Variants in CASP6 observed in about 807,000 individuals in gnomAD.
The protein encoded by CASP6 is caspase-6.
Under a neutral mutation model 31.8 loss-of-function variants are expected in CASP6, and 20 were observed. That is an observed-to-expected ratio of 0.63 (90% CI 0.44 to 0.91). CASP6 has a LOEUF of 0.91. Ranked by LOEUF, CASP6 falls within the 40% of genes least tolerant of loss-of-function variation. CASP6 has a pLI of 0.00. For missense variants in CASP6, 328 were observed against 361.1 expected (o/e 0.91, Z 0.74); for synonymous variants, 130 against 127.8 (o/e 1.02, Z -0.12).
At chr4:109,679,777 G>A in the CASP6 span, among the ~76,000 whole-genome samples, 1 of 150,810 alleles carries the variant, frequency 6.6e-6, no homozygotes, top group East Asian at 1.9e-4. Flanking sequence ...CTCCCGCTTT[G>A]AGGTATAATT....
intron 5 of CASP6, among the ~76,000 whole-genome samples, chr4:109,691,244 A>T (rs1303020410): frequency 6.6e-6 from 1 of 151,686 alleles, no homozygotes; most frequent in Non-Finnish European, 1.5e-5. Flanking sequence ...CCAAGTATAC[A>T]TCAAATTATG....
At chr4:109,693,225 C>T (rs979388870) in intron 5 of CASP6, among the ~76,000 whole-genome samples, 2 of 152,216 alleles carry the variant, frequency 1.3e-5, no homozygotes, top group African/African-American at 4.8e-5. Context: ...GCTTCCTGTA[C>T]AGCCTGCAGA....
At chr4:109,676,601 G>A in the CASP6 span, among the ~76,000 whole-genome samples, 6 of 152,140 alleles carry the variant, frequency 3.9e-5, no homozygotes, top group Admixed American at 6.5e-5. Flanking sequence ...AAATTCCAAA[G>A]CCACTTCTAC....
upstream of CASP6, among the ~76,000 whole-genome samples, chr4:109,708,351 G>T (rs1248201798): frequency 6.6e-6 from 1 of 152,228 alleles, no homozygotes; most frequent in East Asian, 1.9e-4. Context: ...GAAGGACTCA[G>T]AATACTGCCT....
chr4:109,681,988 T>C, the CASP6 span, among the ~76,000 whole-genome samples: 1 of 152,254 alleles, frequency 6.6e-6, no homozygotes, highest in South Asian at 2.1e-4. Context: ...TCCCGATCCT[T>C]GTCCTTCCCG....
In CASP6 at chr4:109,690,977, G is replaced by A. The variant is rs1287450402; in HGVS notation, c.516C>T (p.Val172=). ...ACRGNQHDVP[V]IPLDVVDNQT... is the part of the protein sequence containing the mutation. ...GATTATCTACTACATCCAAAGGAAT[G>A]ACTGGCACATCGTGCTGGTTTCCCC... The change falls in exon 6 of 7, where the codon GTC becomes GTT. Residue 172 remains valine (V), a synonymous_variant. Transcript: ENST00000265164. 7 of 1,613,064 alleles carry A rather than the reference G, an allele frequency of 4.3e-6. No individual in the cohort carries two copies. Among genetic ancestry groups the A allele is most frequent in the Non-Finnish European group, 5.9e-6 (7 of 1,179,646 alleles).
chr4:109,664,420 T>C, the CASP6 span: 1 of 832,242 alleles, frequency 1.2e-6, no homozygotes, highest in Non-Finnish European at 1.8e-6. Context: ...ATCCAACTAT[T>C]ACTTTTTTTT....
the CASP6 span, among the ~76,000 whole-genome samples, chr4:109,677,655 A>G: frequency 6.6e-6 from 1 of 152,122 alleles, no homozygotes; most frequent in East Asian, 1.9e-4. Flanking sequence ...ATAAAGGACA[A>G]GTTCAGCCCC....
chr4:109,698,262 A>C, intron 2 of CASP6, 38 bp downstream of exon 2: 1 of 1,586,850 alleles, frequency 6.3e-7, no homozygotes, highest in Non-Finnish European at 8.6e-7. Context: ...ATGACCATCA[A>C]AGGAAGAGAC....
At chr4:109,679,841 A>G in the CASP6 span, among the ~76,000 whole-genome samples, 101,955 of 151,498 alleles carry the variant, frequency 0.67, 34,525 homozygotes, top group South Asian at 0.74. Context: ...TCTCTGTGTC[A>G]CCCAGGCTGG....
At chr4:109,675,772 G>A in the CASP6 span, among the ~76,000 whole-genome samples, 1 of 152,160 alleles carries the variant, frequency 6.6e-6, no homozygotes, top group Admixed American at 6.5e-5. Context: ...TTGGCAGTAG[G>A]TTCCTTATAA....
rs1057324517 is a variant in CASP6, at chr4:109,695,653, A to G, written c.307+757T>C. Among the ~76,000 whole-genome samples the G allele has an allele frequency of 6.6e-5, 10 of 151,106 alleles. No homozygotes were observed. In the South Asian group the frequency reaches 2.1e-3, roughly 32 times the overall value. On this transcript the variant is annotated intron_variant, in intron 4 of 6. Transcript: ENST00000265164. ...CTACCTGGGAAGCTGAGGCAGGAGAATTGCTTGAACCCAGGAGGTGGAGGC... is the reference window on the plus strand; with the variant it reads ...CTACCTGGGAAGCTGAGGCAGGAGAGTTGCTTGAACCCAGGAGGTGGAGGC...
chr4:109,685,392 C>T (rs770385863), downstream of CASP6: 4 of 1,026,584 alleles, frequency 3.9e-6, no homozygotes, highest in South Asian at 5.3e-5. Context: ...CATCTTATAG[C>T]TGGTTTGTTT....
chr4:109,671,717 G>T, the CASP6 span, among the ~76,000 whole-genome samples: 1 of 152,116 alleles, frequency 6.6e-6, no homozygotes, highest in Non-Finnish European at 1.5e-5. Flanking sequence ...ATCAGAGCCT[G>T]GTTCTGATGC....
chr4:109,671,406 G>GT, the CASP6 span, among the ~76,000 whole-genome samples: 1 of 151,688 alleles, frequency 6.6e-6, no homozygotes, highest in African/African-American at 2.4e-5. Context: ...ATTTTGTTAG[G>GT]TTTTTTTTCC....
chr4:109,678,635 C>T, the CASP6 span, among the ~76,000 whole-genome samples: 6 of 142,534 alleles, frequency 4.2e-5, no homozygotes, highest in Non-Finnish European at 9.1e-5. Flanking sequence ...GACGGGGTGG[C>T]GGCCGGGCAG....
At chr4:109,703,247 A>C (rs1276867830) in intron 1 of CASP6, 109 bp downstream of exon 1, 3 of 1,283,960 alleles carry the variant, frequency 2.3e-6, no homozygotes, top group Non-Finnish European at 3.2e-6. Flanking sequence ...AGCCGAAGGA[A>C]CCCGCGGCCC....
intron 3 of CASP6, among the ~76,000 whole-genome samples, chr4:109,697,418 C>T (rs530884123): frequency 6.6e-6 from 1 of 151,906 alleles, no homozygotes. Flanking sequence ...ACTACCGCCA[C>T]CATGCCCAGC....
At chr4:109,703,667 G>T, upstream of CASP6, 1 of 533,626 alleles carries the variant, frequency 1.9e-6, no homozygotes, top group Non-Finnish European at 3.3e-6. Flanking sequence ...GGCCCGCTGG[G>T]ACTAACCGTG....
Sources: allele counts gnomAD v4.1 joint callset (sites outside exome capture counted in the v4.1 genomes callset), GRCh38; gene constraint gnomAD v4.1.1; transcripts MANE v1.5; gene names NCBI Gene and HGNC (gene_info 2026-07-23, HGNC 2026-07-21).